GPC5: variants seen among roughly 807,000 people sequenced by gnomAD.
GPC5 encodes glypican-5.
GPC5 carries 47 observed loss-of-function variants against 53.9 expected under a neutral mutation model. The ratio of observed to expected loss-of-function variants is 0.87; its 90% CI spans 0.69 to 1.11. The LOEUF is 1.11. Among genes scored for constraint, GPC5 ranks in the 50% most tolerant of loss-of-function variants. The pLI, the probability that GPC5 is intolerant of heterozygous loss-of-function variation, is 0.00. For missense variants in GPC5, 748 were observed against 713.1 expected, an observed-to-expected ratio of 1.05 and a Z score of -0.56; for synonymous variants, 286 against 263.3, an observed-to-expected ratio of 1.09 and a Z score of -0.84.
chr13:92,046,938 T>C (rs9560905), intron 6 of GPC5, among the ~76,000 whole-genome samples: 67,148 of 152,046 alleles, frequency 0.44, 15,169 homozygotes, highest in Admixed American at 0.52. Flanking sequence ...TTTAATAAAA[T>C]ATTTACAAGT....
At chr13:92,760,592 T>C (rs551338357) in intron 7 of GPC5, among the ~76,000 whole-genome samples, 4 of 152,134 alleles carry the variant, frequency 2.6e-5, no homozygotes, top group East Asian at 3.9e-4. Context: ...TTTCAATTTT[T>C]TTTTTCAAAA....
At chr13:92,447,303 T>C (rs1456504040) in intron 7 of GPC5, 1 of 152,172 alleles carries the variant, frequency 6.6e-6, no homozygotes, top group African/African-American at 2.4e-5. Context: ...TTTTATTTTA[T>C]TTTGGTAAAT....
intron 7 of GPC5, among the ~76,000 whole-genome samples, chr13:92,560,966 G>GTACCAAAGTACAATTCCAAA (rs1250953457): frequency 6.6e-6 from 1 of 150,732 alleles, no homozygotes; most frequent in African/African-American, 2.4e-5. Flanking sequence ...AATGTCTGCA[G>GTACCAAAGTACAATTCCAAA]TACCAAAGTA....
intron 4 of GPC5, among the ~76,000 whole-genome samples, chr13:91,729,366 G>C (rs966350709): frequency 6.6e-6 from 1 of 152,058 alleles, no homozygotes; most frequent in African/African-American, 2.4e-5. Flanking sequence ...ATATGTGTGT[G>C]TGTTTAGTTG....
intron 5 of GPC5, among the ~76,000 whole-genome samples, chr13:91,894,642 C>T (rs2039422074): frequency 6.6e-6 from 1 of 152,066 alleles, no homozygotes; most frequent in African/African-American, 2.4e-5. Flanking sequence ...GTTGTGACTT[C>T]CTTAGTGATT....
At chr13:92,677,834 G>A (rs1477745745) in intron 7 of GPC5, among the ~76,000 whole-genome samples, 1 of 152,140 alleles carries the variant, frequency 6.6e-6, no homozygotes, top group Non-Finnish European at 1.5e-5. Flanking sequence ...ACTCCACAAT[G>A]AGAACAGGAA....
intron 6 of GPC5, among the ~76,000 whole-genome samples, chr13:92,095,236 T>C (rs1566432642): frequency 6.6e-6 from 1 of 152,204 alleles, no homozygotes; most frequent in African/African-American, 2.4e-5. Context: ...ATTGGGCTTA[T>C]TAAAATAAAC....
At chr13:92,109,508 T>G (rs1250978583) in intron 6 of GPC5, among the ~76,000 whole-genome samples, 1 of 152,180 alleles carries the variant, frequency 6.6e-6, no homozygotes, top group Non-Finnish European at 1.5e-5. Context: ...CGTTAGGCTT[T>G]TAGTGACTAT....
rs78224581 is a variant in GPC5 at position 92,695,323 on chromosome 13, C to A, written c.1562-170959C>A. Among the ~76,000 whole-genome samples, 117 of 152,182 alleles carry A rather than the reference C, an allele frequency of 7.7e-4. 1 individual carries two copies. Among genetic ancestry groups the A allele is most frequent in the African/African-American group, 2.5e-3 (105 of 41,520 alleles). On this transcript the variant is annotated intron_variant, in intron 7 of 7. Coordinates refer to ENST00000377067, the MANE Select transcript of GPC5 (RefSeq NM_004466.6). ...TTCCTTATAGATTCTAGATATTAGA[C>A]CTTGCATAGTTTGCAGATATTCATT...
chr13:92,860,861 G>T (rs1879156733), intron 7 of GPC5, among the ~76,000 whole-genome samples: 1 of 151,806 alleles, frequency 6.6e-6, no homozygotes, highest in Non-Finnish European at 1.5e-5. Flanking sequence ...TATATTAAAA[G>T]ACACTAAGAG....
At chr13:91,963,611 C>G (rs1251751945) in intron 6 of GPC5, among the ~76,000 whole-genome samples, 2 of 152,036 alleles carry the variant, frequency 1.3e-5, no homozygotes, top group Non-Finnish European at 2.9e-5. Context: ...AAATTAAGTG[C>G]AACAGGCATG....
intron 6 of GPC5, among the ~76,000 whole-genome samples, chr13:91,953,386 T>C (rs567836930): frequency 6.6e-6 from 1 of 152,276 alleles, no homozygotes; most frequent in Admixed American, 6.5e-5. Context: ...ATTCTTGCTG[T>C]GGGTTGGACT....
intron 7 of GPC5, among the ~76,000 whole-genome samples, chr13:92,658,135 C>T (rs1404197158): frequency 6.6e-6 from 1 of 152,042 alleles, no homozygotes; most frequent in Non-Finnish European, 1.5e-5. Context: ...AGGCATTAGT[C>T]ACTAGACTGG....
Position 92,866,301 on chromosome 13 carries a change from C to T in GPC5, c.1581C>T (p.Asn527=), listed in dbSNP as rs1268301184. Residue 527 remains asparagine (N), a synonymous_variant, in exon 8 of 8, where the codon AAC becomes AAT. Transcript: ENST00000377067. ...CTACAGGGATGCCAGATGATATGAA[C>T]TTCAGTGATGTAAAGCAAATCCATC... is the stretch of plus-strand genomic sequence containing the variant. ...KITDWMPDDM[N]FSDVKQIHQT... 1 of 1,611,048 alleles carries T rather than the reference C, an allele frequency of 6.2e-7. No homozygotes were observed. The highest frequency in any genetic ancestry group is 2.2e-5 in the East Asian group (1 of 44,718).
intron 7 of GPC5, among the ~76,000 whole-genome samples, chr13:92,800,573 G>T (rs956405603): frequency 2.6e-5 from 4 of 151,798 alleles, no homozygotes; most frequent in Non-Finnish European, 2.9e-5. Context: ...AACATTCCAG[G>T]ATCTTGCTCC....
chr13:92,520,212 T>A (rs2138967124), intron 7 of GPC5, among the ~76,000 whole-genome samples: 2 of 152,270 alleles, frequency 1.3e-5, no homozygotes, highest in Middle Eastern at 6.8e-3. Context: ...AAGGAGGAGC[T>A]GGTACCATTC....
intron 7 of GPC5, among the ~76,000 whole-genome samples, chr13:92,552,579 T>C (rs1166585246): frequency 1.3e-5 from 2 of 151,912 alleles, no homozygotes; most frequent in African/African-American, 2.4e-5. Flanking sequence ...AAGTCATGAA[T>C]ATTAAAAGAA....
At chr13:92,527,253 A>G (rs201640061) in intron 7 of GPC5, among the ~76,000 whole-genome samples, 42 of 76,952 alleles carry the variant, frequency 5.5e-4, no homozygotes, top group Non-Finnish European at 7.6e-4. Flanking sequence ...AAGAAAGAGA[A>G]AGAAAGAAAG....
At chr13:91,706,405 G>C (rs149114590) in intron 3 of GPC5, among the ~76,000 whole-genome samples, 4 of 152,006 alleles carry the variant, frequency 2.6e-5, no homozygotes, top group Non-Finnish European at 4.4e-5. Flanking sequence ...TAATATTGCC[G>C]TGCTTCTTCT....
Sources: allele counts gnomAD v4.1 joint callset (sites outside exome capture counted in the v4.1 genomes callset), GRCh38; gene constraint gnomAD v4.1.1; transcripts MANE v1.5; gene names NCBI Gene and HGNC (gene_info 2026-07-23, HGNC 2026-07-21).